SLC24A3: variants seen among roughly 807,000 people sequenced by gnomAD.
SLC24A3 encodes the protein sodium/potassium/calcium exchanger 3.
A neutral mutation model predicts 75.8 loss-of-function variants in SLC24A3; 28 were observed. That is an observed-to-expected ratio of 0.37 (90% CI 0.27 to 0.51). SLC24A3 has a LOEUF of 0.51. Ranked by LOEUF, SLC24A3 falls within the 20% of genes least tolerant of loss-of-function variation. SLC24A3 has a pLI of 0.94. For synonymous variants in SLC24A3, 372 were observed against 334.1 expected (o/e 1.11, Z -1.24); for missense variants, 663 against 847.8 (o/e 0.78, Z 2.71).
chr20:19,293,921 A>ACC (rs149833624), intron 2 of SLC24A3, among the ~76,000 whole-genome samples: 1 of 151,774 alleles, frequency 6.6e-6, no homozygotes, highest in African/African-American at 2.4e-5. Flanking sequence ...GTTCTAGGAC[A>ACC]CCCCCCCACC....
intron 1 of SLC24A3, among the ~76,000 whole-genome samples, chr20:19,238,692 G>A (rs1299620949): frequency 6.6e-6 from 1 of 152,194 alleles, no homozygotes; most frequent in Non-Finnish European, 1.5e-5. Flanking sequence ...TAACCATGGG[G>A]AGGGAGCAGT....
At chr20:19,269,166 A>C (rs1326054517) in intron 1 of SLC24A3, among the ~76,000 whole-genome samples, 1 of 152,250 alleles carries the variant, frequency 6.6e-6, no homozygotes, top group Non-Finnish European at 1.5e-5. Context: ...GTCTTATTTA[A>C]AGTAAATAAC....
intron 2 of SLC24A3, among the ~76,000 whole-genome samples, chr20:19,415,744 T>C (rs1026333437): frequency 1.1e-4 from 16 of 152,172 alleles, no homozygotes; most frequent in African/African-American, 3.9e-4. Flanking sequence ...GAGAATTTGT[T>C]CTGTCAAGTG....
chr20:19,339,062 G>T (rs56144972), intron 2 of SLC24A3, among the ~76,000 whole-genome samples: 8 of 152,180 alleles, frequency 5.3e-5, no homozygotes, highest in Non-Finnish European at 1.2e-4. Context: ...GCCAAGATTC[G>T]GAAGAGCTGT....
chr20:19,284,954 C>A (rs1983770346), intron 2 of SLC24A3, among the ~76,000 whole-genome samples: 1 of 152,140 alleles, frequency 6.6e-6, no homozygotes, highest in Non-Finnish European at 1.5e-5. Flanking sequence ...TTGACACTCT[C>A]CCATTTCCCT....
At chr20:19,274,886 G>A (rs971608705) in intron 1 of SLC24A3, among the ~76,000 whole-genome samples, 1 of 152,214 alleles carries the variant, frequency 6.6e-6, no homozygotes, top group Non-Finnish European at 1.5e-5. Flanking sequence ...GTAGGGTGGG[G>A]TATTTATAGC....
intron 1 of SLC24A3, 86 bp downstream of exon 1, chr20:19,213,070 G>T: frequency 8.8e-7 from 1 of 1,130,890 alleles, no homozygotes; most frequent in Non-Finnish European, 1.1e-6. Flanking sequence ...TCCTTCGGGC[G>T]GCCCGGCCGG....
intron 3 of SLC24A3, among the ~76,000 whole-genome samples, chr20:19,537,699 A>G (rs1288975734): frequency 1.3e-5 from 2 of 152,100 alleles, no homozygotes; most frequent in Admixed American, 6.6e-5. Context: ...ATGCAGCCAT[A>G]AAAAAATGAT....
intron 2 of SLC24A3, among the ~76,000 whole-genome samples, chr20:19,375,869 G>T (rs1382370997): frequency 6.6e-6 from 1 of 152,188 alleles, no homozygotes; most frequent in Non-Finnish European, 1.5e-5. Context: ...TTTCTCTCCT[G>T]CACTTGGTAA....
At chr20:19,363,339 C>T (rs1985826996) in intron 2 of SLC24A3, among the ~76,000 whole-genome samples, 1 of 152,244 alleles carries the variant, frequency 6.6e-6, no homozygotes, top group Non-Finnish European at 1.5e-5. Context: ...ACCATTCTCC[C>T]AGGACATCAA....
At chr20:19,515,642 C>G (rs2029972737) in intron 3 of SLC24A3, 78 bp downstream of exon 3, 2 of 1,434,516 alleles carry the variant, frequency 1.4e-6, no homozygotes, top group Admixed American at 1.8e-5. Context: ...CCTGAGGTGC[C>G]CCCAGTAGAT....
At chr20:19,716,334 C>G (rs1032133087) in intron 15 of SLC24A3, among the ~76,000 whole-genome samples, 2 of 151,900 alleles carry the variant, frequency 1.3e-5, no homozygotes, top group African/African-American at 4.8e-5. Flanking sequence ...CCCCAGTACT[C>G]TCTACCTGCT....
chr20:19,325,629 T>C (rs1183413286), intron 2 of SLC24A3, among the ~76,000 whole-genome samples: 2 of 151,592 alleles, frequency 1.3e-5, no homozygotes, highest in Non-Finnish European at 2.9e-5. Context: ...GGTTGAGTGT[T>C]CCTTGTCTGA....
At chr20:19,268,227 T>C (rs897765173) in intron 1 of SLC24A3, among the ~76,000 whole-genome samples, 2 of 152,222 alleles carry the variant, frequency 1.3e-5, no homozygotes, top group African/African-American at 4.8e-5. Context: ...ACTTCTATTA[T>C]GTAAATTATG....
intron 2 of SLC24A3, among the ~76,000 whole-genome samples, chr20:19,336,111 CTTG>C (rs1300454659): frequency 2.6e-5 from 4 of 152,258 alleles, no homozygotes; most frequent in East Asian, 3.9e-4. Flanking sequence ...TAATAGACTA[CTTG>C]TTGTTTCTTA....
chr20:19,239,893 A>G (rs73277083), intron 1 of SLC24A3, among the ~76,000 whole-genome samples: 6 of 152,022 alleles, frequency 3.9e-5, no homozygotes, highest in Non-Finnish European at 5.9e-5. Flanking sequence ...CCTCAGTTCT[A>G]TGGCCCTCGT....
intron 13 of SLC24A3, chr20:19,694,371 AAAG>A (rs2032780743): frequency 6.6e-6 from 1 of 152,364 alleles, no homozygotes; most frequent in Admixed American, 6.5e-5. Context: ...CAAGAGCTAA[AAAG>A]AAGGTTATGA....
intron 2 of SLC24A3, among the ~76,000 whole-genome samples, chr20:19,514,424 G>T (rs2029943495): frequency 6.6e-6 from 1 of 152,192 alleles, no homozygotes. Flanking sequence ...CCCATCAAAT[G>T]GTGGTGGTTT....
intron 2 of SLC24A3, among the ~76,000 whole-genome samples, chr20:19,446,211 C>T (rs1345738461): frequency 6.6e-6 from 1 of 152,134 alleles, no homozygotes. Flanking sequence ...TTTTAGAGGG[C>T]AATGTATAAT....
Sources: gnomAD v4.1 joint callset for allele counts (sites outside exome capture counted in the v4.1 genomes callset) on GRCh38, gnomAD v4.1.1 for gene constraint, MANE v1.5 for transcripts, NCBI Gene and HGNC (gene_info 2026-07-23, HGNC 2026-07-21) for gene names.